PSMD11: variants seen among roughly 807,000 people sequenced by gnomAD.
PSMD11 encodes proteasome 26S subunit, non-ATPase 11, also known as 26S proteasome non-ATPase regulatory subunit 11.
A neutral mutation model predicts 62.3 loss-of-function variants in PSMD11; 5 were observed. The ratio of observed to expected loss-of-function variants is 0.08; its 90% CI spans 0.04 to 0.17. The LOEUF (loss-of-function observed/expected upper bound fraction) is 0.17. Among genes scored for constraint, PSMD11 ranks in the 10% least tolerant of loss-of-function variants. The probability of loss-of-function intolerance (pLI) is 1.00; values close to 1 mark genes in which losing one functional copy is unlikely to be tolerated. For missense variants in PSMD11, 310 were observed against 512.9 expected, an observed-to-expected ratio of 0.60 and a Z score of 3.82; for synonymous variants, 191 against 191.8, an observed-to-expected ratio of 1.00 and a Z score of 0.03.
rs189209045 is a variant in PSMD11 at position 32,475,850 on chromosome 17, C to T, written c.849+1026C>T. 1.7e-4 allele frequency among the ~76,000 whole-genome samples: 26 copies of T among 152,078 alleles called. No homozygotes were observed. In the East Asian group the frequency reaches 4.7e-3, roughly 27 times the overall value. On this transcript the variant is annotated intron_variant, in intron 8 of 13. Coordinates refer to ENST00000261712, the MANE Select transcript of PSMD11 (RefSeq NM_002815.4). ...TCAAGTGATCCGCCCACCTCAACCTCCAAAAGTGCTGGGATTGTAGGTGTG... is the reference window on the plus strand; with the variant it reads ...TCAAGTGATCCGCCCACCTCAACCTTCAAAAGTGCTGGGATTGTAGGTGTG...
intron 3 of PSMD11, among the ~76,000 whole-genome samples, chr17:32,463,791 C>T (rs1426455131): frequency 6.6e-6 from 1 of 152,106 alleles, no homozygotes; most frequent in African/African-American, 2.4e-5. Context: ...TTGGTCTCTC[C>T]TCAGTAGGTA....
chr17:32,476,454 G>A (rs1182371981), intron 8 of PSMD11, among the ~76,000 whole-genome samples: 1 of 152,108 alleles, frequency 6.6e-6, no homozygotes, highest in Non-Finnish European at 1.5e-5. Context: ...CTGTCTATAG[G>A]ACAAATGCTG....
chr17:32,456,970 A>G (rs1415794164), intron 3 of PSMD11, among the ~76,000 whole-genome samples: 1 of 152,136 alleles, frequency 6.6e-6, no homozygotes, highest in Non-Finnish European at 1.5e-5. Context: ...CCTGACTTGC[A>G]TTTATTTAAT....
Position 32,482,474 on chromosome 17 carries a change from G to T in PSMD11, c.*1722G>T, listed in dbSNP as rs1399646538. ...GTCTAGCTCTCATCTGGCCAAAGCT[G>T]TTATCTCATTTGTGTAATGGGAGTC... is the stretch of plus-strand genomic sequence containing the variant. On this transcript the variant is annotated 3_prime_UTR_variant, in exon 14 of 14. Transcript: ENST00000261712. The T allele has an allele frequency of 6.6e-6, 1 of 152,116 alleles. No homozygotes were observed. Among genetic ancestry groups the T allele is most frequent in the Non-Finnish European group, 1.5e-5 (1 of 68,068 alleles). The allele number at this position is 152,116 out of a possible 1,614,324, so 9.4% of individuals were successfully genotyped here.
intron 3 of PSMD11, among the ~76,000 whole-genome samples, chr17:32,462,708 C>T (rs138624247): frequency 5.2e-4 from 79 of 152,056 alleles, no homozygotes; most frequent in African/African-American, 1.8e-3. Flanking sequence ...TTTTTTGAGA[C>T]GGAGTTTCAC....
At chr17:32,460,370 C>T (rs568187866) in intron 3 of PSMD11, among the ~76,000 whole-genome samples, 11 of 152,152 alleles carry the variant, frequency 7.2e-5, no homozygotes, top group Non-Finnish European at 1.2e-4. Flanking sequence ...TTAAATAAGA[C>T]GTTTTAGAAT....
intron 5 of PSMD11, among the ~76,000 whole-genome samples, chr17:32,466,062 G>A (rs979844182): frequency 2.6e-5 from 4 of 152,096 alleles, no homozygotes; most frequent in African/African-American, 9.7e-5. Flanking sequence ...GGGGTGTGAT[G>A]TTGGCTCACT....
chr17:32,458,138 A>AT (rs998089183), intron 3 of PSMD11, among the ~76,000 whole-genome samples: 35 of 151,128 alleles, frequency 2.3e-4, no homozygotes, highest in African/African-American at 6.3e-4. Flanking sequence ...TTGGTTCTTA[A>AT]TTTTTTTTTA....
At chr17:32,475,373 T>C (rs569860868) in intron 8 of PSMD11, among the ~76,000 whole-genome samples, 2 of 150,408 alleles carry the variant, frequency 1.3e-5, no homozygotes, top group South Asian at 4.2e-4. Context: ...TAGGTATGAG[T>C]GTGACTTCTG....
chr17:32,465,918 T>C (rs768549269), intron 5 of PSMD11, among the ~76,000 whole-genome samples: 1 of 152,064 alleles, frequency 6.6e-6, no homozygotes, highest in Non-Finnish European at 1.5e-5. Context: ...GAGGTTGCAG[T>C]GAGCCAAGAT....
At chr17:32,480,377 C>A (rs936990636) in intron 12 of PSMD11, 112 bp from the exon 13 acceptor site, 1 of 1,473,434 alleles carries the variant, frequency 6.8e-7, no homozygotes, top group Non-Finnish European at 9.4e-7. Flanking sequence ...GAGATGAATT[C>A]TATTTCCCTT....
chr17:32,472,862 A>G (rs1195502174), intron 6 of PSMD11, among the ~76,000 whole-genome samples: 1 of 139,546 alleles, frequency 7.2e-6, no homozygotes, highest in East Asian at 2.3e-4. Flanking sequence ...TTTTTTTTTA[A>G]GAGACAAGGT....
chr17:32,444,636 C>T, intron 1 of PSMD11, 22 bp downstream of exon 1: 1 of 1,609,972 alleles, frequency 6.2e-7, no homozygotes, highest in Non-Finnish European at 8.5e-7. Context: ...CGCGCCGCCT[C>T]CCCGGCCCCG....
At chr17:32,457,358 C>T (rs1458051298) in intron 3 of PSMD11, among the ~76,000 whole-genome samples, 3 of 152,052 alleles carry the variant, frequency 2.0e-5, no homozygotes, top group Non-Finnish European at 4.4e-5. Flanking sequence ...TTGCTTCAGC[C>T]TCCTGAGTAG....
chr17:32,457,495 C>T (rs765179087), intron 3 of PSMD11, among the ~76,000 whole-genome samples: 3 of 152,174 alleles, frequency 2.0e-5, no homozygotes, highest in Non-Finnish European at 4.4e-5. Flanking sequence ...CCTTGCCCTT[C>T]CAAGTCCTGG....
At chr17:32,480,316 C>CCCT (rs1908451349) in intron 12 of PSMD11, 119 bp downstream of exon 12, 1 of 1,469,812 alleles carries the variant, frequency 6.8e-7, no homozygotes, top group Admixed American at 1.7e-5. Context: ...GGGTCCTGGC[C>CCCT]CCTCTTCCCT....
At chr17:32,470,106 G>C (rs1908119539) in intron 6 of PSMD11, among the ~76,000 whole-genome samples, 1 of 151,598 alleles carries the variant, frequency 6.6e-6, no homozygotes, top group Non-Finnish European at 1.5e-5. Context: ...TCAACTTCCT[G>C]GGCTCAAGTG....
intron 6 of PSMD11, among the ~76,000 whole-genome samples, chr17:32,470,261 T>C (rs1908126445): frequency 6.6e-6 from 1 of 152,044 alleles, no homozygotes; most frequent in African/African-American, 2.4e-5. Flanking sequence ...CACCTTGGCC[T>C]CTCAAAGTGC....
intron 3 of PSMD11, among the ~76,000 whole-genome samples, chr17:32,458,709 T>G (rs1460103827): frequency 6.6e-6 from 1 of 152,218 alleles, no homozygotes; most frequent in Non-Finnish European, 1.5e-5. Context: ...CCACATCCAC[T>G]ATACTAGTCT....
Sources: gnomAD v4.1 joint callset for allele counts (sites outside exome capture counted in the v4.1 genomes callset) on GRCh38, gnomAD v4.1.1 for gene constraint, MANE v1.5 for transcripts, NCBI Gene and HGNC (gene_info 2026-07-23, HGNC 2026-07-21) for gene names.